Variants in HEPH observed in about 807,000 individuals in gnomAD.
HEPH encodes the protein hephaestin.
In HEPH, 69 loss-of-function variants were observed where a neutral mutation model predicts 80.8. The observed-to-expected ratio is 0.85, with a 90% confidence interval of 0.70 to 1.04. The LOEUF (loss-of-function observed/expected upper bound fraction) is 1.04, where lower values mean the gene tolerates loss of function less well. Among genes scored for constraint, HEPH ranks in the 50% least tolerant of loss-of-function variants. The pLI, the probability that HEPH is intolerant of heterozygous loss-of-function variation, is 0.00. For missense variants in HEPH, 1,115 were observed against 891.3 expected (o/e 1.25, Z -3.20); for synonymous variants, 431 against 322.8 (o/e 1.34, Z -3.60).
intron 9 of HEPH, among the ~76,000 whole-genome samples, chrX:66,196,968 G>T (rs1159585377): frequency 9.3e-6 from 1 of 107,044 alleles, no homozygotes; most frequent in East Asian, 2.9e-4. Context: ...CTCTTTATAG[G>T]TGAGTGAGTA....
chrX:66,243,968 A>G (rs893385800), intron 15 of HEPH, among the ~76,000 whole-genome samples: 4 of 111,626 alleles, frequency 3.6e-5, no homozygotes, highest in Non-Finnish European at 7.5e-5. Flanking sequence ...CTTGGTTTGA[A>G]TTTCTTTTCT....
At chrX:66,239,499 T>C (rs930659635) in intron 15 of HEPH, among the ~76,000 whole-genome samples, 1 of 112,350 alleles carries the variant, frequency 8.9e-6, no homozygotes, top group African/African-American at 3.2e-5. Context: ...TTAAGATTTC[T>C]TGTTCATAAA....
At chrX:66,195,314 A>T (rs1285973602) in intron 9 of HEPH, 85 bp downstream of exon 9, 29 of 788,606 alleles carry the variant, frequency 3.7e-5, no homozygotes, top group Non-Finnish European at 4.8e-5. Context: ...GATGGAGAGG[A>T]TGAAGTAGGC....
intron 19 of HEPH, 106 bp from the exon 20 acceptor site, chrX:66,263,538 A>C: frequency 1.2e-6 from 1 of 844,297 alleles, no homozygotes; most frequent in African/African-American, 2.0e-5. Flanking sequence ...TTGCTTACTT[A>C]ATCACAGAGA....
chrX:66,199,125 T>C, intron 11 of HEPH, 97 bp downstream of exon 11: 1 of 885,357 alleles, frequency 1.1e-6, no homozygotes, highest in South Asian at 2.3e-5. Flanking sequence ...ACTGATTTTA[T>C]TGGTCATCTC....
At chrX:66,189,311 G>T (rs1197391208) in intron 5 of HEPH, among the ~76,000 whole-genome samples, 1 of 112,415 alleles carries the variant, frequency 8.9e-6, no homozygotes, top group Non-Finnish European at 1.9e-5. Context: ...CAATTGTCCT[G>T]TGGAAATTTT....
At chrX:66,210,469 G>A (rs2089052694) in intron 15 of HEPH, among the ~76,000 whole-genome samples, 2 of 111,784 alleles carry the variant, frequency 1.8e-5, no homozygotes, top group African/African-American at 6.5e-5. Context: ...GGACACTACA[G>A]TTGAGGAGAT....
Position 66,197,702 on chromosome X carries a change from G to C in HEPH, c.1521G>C (p.Leu507Phe), listed in dbSNP as rs1299976768. 1 of 1,211,073 alleles carries C rather than the reference G, an allele frequency of 8.3e-7. No individual in the cohort carries two copies. Among genetic ancestry groups the C allele is most frequent in the Non-Finnish European group, 1.1e-6 (1 of 894,868 alleles). ...CTACAGGCTCATCTTACCCTGGCTT[G>C]GTTGCCAAGCCCTTTGAGAAAGTAA... ...VYNDGSSYPGLVAKPFEKVTY... is the reference protein window; with the variant it reads ...VYNDGSSYPGFVAKPFEKVTY... The change falls in exon 10 of 21, where the codon TTG becomes TTC. Residue 507 changes from leucine to phenylalanine, a missense_variant. This residue lies in a region of HEPH where 716 missense variants were observed against 523.5 expected (regional missense o/e 1.37). Coordinates refer to ENST00000343002, the MANE Select transcript of HEPH (RefSeq NM_001367233.3).
intron 15 of HEPH, among the ~76,000 whole-genome samples, chrX:66,252,502 G>A: frequency 9.0e-6 from 1 of 111,533 alleles, no homozygotes. Flanking sequence ...TGAAAAGGCA[G>A]GCCAGGGCTG....
At position 66,170,237 on chromosome X, in the gene HEPH, G is replaced by C. The variant is rs151138596; in HGVS notation, c.-13-321G>C. The C allele has an allele frequency of 1.3e-3, 209 of 162,330 alleles. 4 individuals are homozygous for C. In the East Asian group the frequency reaches 0.024, roughly 19 times the overall value. 13.4% of individuals were successfully genotyped at this position (162,330 alleles called of 1,213,427 possible). A position where few individuals can be genotyped will look rare whatever the true frequency, so the allele number is the denominator to read the frequency against. On this transcript the variant is annotated intron_variant, in intron 1 of 20. Coordinates refer to ENST00000343002, the MANE Select transcript of HEPH (RefSeq NM_001367233.3). ...TGTTAGTGGCCCAATAAGGCTTCTG[G>C]TGCCTGTTTCCTGATTCTTGGGACA...
At chrX:66,223,047 C>A (rs971364584) in intron 15 of HEPH, among the ~76,000 whole-genome samples, 1 of 110,409 alleles carries the variant, frequency 9.1e-6, no homozygotes, top group Non-Finnish European at 1.9e-5. Context: ...TTCTGCTGTA[C>A]GAACAGCAGT....
chrX:66,162,813 G>A, upstream of HEPH: 1 of 1,155,545 alleles, frequency 8.7e-7, no homozygotes, highest in South Asian at 1.9e-5. Context: ...TTCAGAAGAG[G>A]AAAATGTGCC....
intron 15 of HEPH, among the ~76,000 whole-genome samples, chrX:66,223,812 G>A (rs909361800): frequency 1.8e-5 from 2 of 110,955 alleles, no homozygotes; most frequent in Admixed American, 9.5e-5. Context: ...CATATTTTAC[G>A]TTCCTTATAC....
intron 15 of HEPH, among the ~76,000 whole-genome samples, chrX:66,241,773 C>G (rs2090595157): frequency 9.0e-6 from 1 of 111,040 alleles, no homozygotes; most frequent in African/African-American, 3.3e-5. Flanking sequence ...ACAATAGCCA[C>G]AAAAAGAATA....
chrX:66,192,263 T>C lies in HEPH; in HGVS notation c.1197T>C (p.Asp399=), dbSNP rs999001350. 11 of 1,210,204 alleles carry C rather than the reference T, an allele frequency of 9.1e-6. No homozygotes were observed. Among genetic ancestry groups the C allele is most frequent in the Non-Finnish European group, 1.2e-5 (11 of 894,504 alleles). ...GGGACTATGGCCCGATGGGGCATGA[T>C]GGGAGTACTGGGAAGAATTTGAGAG... ...IQWDYGPMGH[D]GSTGKNLREP... is the part of the protein sequence containing the mutation. The change falls in exon 7 of 21, where the codon GAT becomes GAC. Residue 399 remains aspartate (D), a synonymous_variant. Coordinates refer to ENST00000343002, the MANE Select transcript of HEPH (RefSeq NM_001367233.3).
intron 15 of HEPH, among the ~76,000 whole-genome samples, chrX:66,246,226 G>A (rs1267987980): frequency 1.8e-5 from 2 of 112,172 alleles, no homozygotes; most frequent in Non-Finnish European, 3.8e-5. Flanking sequence ...TCAGACAGAA[G>A]TGAGACTGTT....
At chrX:66,190,480 A>G (rs1032230434) in intron 6 of HEPH, among the ~76,000 whole-genome samples, 1 of 111,084 alleles carries the variant, frequency 9.0e-6, no homozygotes, top group Non-Finnish European at 1.9e-5. Flanking sequence ...GGAAGAGCGT[A>G]TGAAGCAATG....
intron 15 of HEPH, among the ~76,000 whole-genome samples, chrX:66,215,182 C>A (rs2089333858): frequency 9.0e-6 from 1 of 111,035 alleles, no homozygotes; most frequent in African/African-American, 3.3e-5. Context: ...TTAAGCTAAT[C>A]CATTAATGCT....
chrX:66,175,105 G>T (rs930501267), intron 4 of HEPH, among the ~76,000 whole-genome samples: 1 of 111,796 alleles, frequency 8.9e-6, no homozygotes, highest in Non-Finnish European at 1.9e-5. Flanking sequence ...GTCTACAAGG[G>T]TTTATCTAAT....
Sources: gnomAD v4.1 joint callset for allele counts (sites outside exome capture counted in the v4.1 genomes callset) on GRCh38, gnomAD v4.1.1 for gene constraint, gnomAD v4.1.1 regional missense constraint, MANE v1.5 for transcripts, NCBI Gene and HGNC (gene_info 2026-07-23, HGNC 2026-07-21) for gene names.